The following DACH2 variants were observed in gnomAD, a reference collection of about 807,000 sequenced individuals.
The protein encoded by DACH2 is dachshund homolog 2.
Under a neutral mutation model 35.8 loss-of-function variants are expected in DACH2, and 17 were observed. That is an observed-to-expected ratio of 0.48 (90% CI 0.33 to 0.71). The LOEUF is 0.71. Ranked by LOEUF, DACH2 falls within the 30% of genes least tolerant of loss-of-function variation. The pLI is 0.02. For missense variants in DACH2, 469 were observed against 472.7 expected (o/e 0.99, Z 0.07); for synonymous variants, 195 against 177.3 (o/e 1.10, Z -0.79).
intron 7 of DACH2, among the ~76,000 whole-genome samples, chrX:86,808,239 T>G (rs1289166916): frequency 8.9e-6 from 1 of 112,080 alleles, no homozygotes; most frequent in Non-Finnish European, 1.9e-5. Context: ...GAATAACATT[T>G]TGTCTGAAAG....
chrX:86,295,676 G>T (rs749837716), intron 1 of DACH2, among the ~76,000 whole-genome samples: 36 of 110,899 alleles, frequency 3.2e-4, no homozygotes, highest in African/African-American at 1.1e-3. Context: ...AGTTTGGTCG[G>T]GTTTTGCTTT....
intron 1 of DACH2, among the ~76,000 whole-genome samples, chrX:86,279,992 G>A (rs2033993215): frequency 9.0e-6 from 1 of 110,508 alleles, no homozygotes; most frequent in Non-Finnish European, 1.9e-5. Context: ...GTACCTGAAA[G>A]TGATGGGGAA....
chrX:86,331,992 T>C (rs1441982124), intron 1 of DACH2, among the ~76,000 whole-genome samples: 1 of 111,945 alleles, frequency 8.9e-6, no homozygotes, highest in African/African-American at 3.2e-5. Context: ...ACATGGAGTT[T>C]TCTGAGTTTT....
chrX:86,212,640 C>T (rs1429070519), intron 1 of DACH2, among the ~76,000 whole-genome samples: 2 of 110,812 alleles, frequency 1.8e-5, no homozygotes, highest in Admixed American at 9.6e-5. Context: ...GGGGAGACAT[C>T]GTTTTTCCTT....
chrX:86,451,038 G>A (rs1013263024), intron 2 of DACH2, among the ~76,000 whole-genome samples: 1 of 111,623 alleles, frequency 9.0e-6, no homozygotes, highest in Admixed American at 9.6e-5. Flanking sequence ...ACTCATGATA[G>A]TTTCTCTTGC....
At chrX:86,579,004 T>G (rs2039469533) in intron 3 of DACH2, among the ~76,000 whole-genome samples, 1 of 112,085 alleles carries the variant, frequency 8.9e-6, no homozygotes. Flanking sequence ...TAATTGCTAA[T>G]GATGCTGATT....
chrX:86,566,855 T>G (rs1476716542), intron 3 of DACH2, among the ~76,000 whole-genome samples: 1 of 111,722 alleles, frequency 9.0e-6, no homozygotes, highest in Non-Finnish European at 1.9e-5. Context: ...TATCCTTATT[T>G]TGCAGATGAA....
chrX:86,555,904 C>T (rs1180088946), intron 3 of DACH2, among the ~76,000 whole-genome samples: 3 of 111,099 alleles, frequency 2.7e-5, no homozygotes, highest in South Asian at 3.8e-4. Context: ...TTTTTAAGCC[C>T]ATCATGGTTA....
At chrX:86,450,902 C>T (rs1315849086) in intron 2 of DACH2, among the ~76,000 whole-genome samples, 1 of 111,151 alleles carries the variant, frequency 9.0e-6, no homozygotes, top group Non-Finnish European at 1.9e-5. Context: ...CCTTTGCCAA[C>T]TTTTTCATGG....
At chrX:86,347,082 T>A (rs1204568637) in intron 1 of DACH2, among the ~76,000 whole-genome samples, 1 of 111,860 alleles carries the variant, frequency 8.9e-6, no homozygotes, top group Non-Finnish European at 1.9e-5. Flanking sequence ...GTGATTCTTC[T>A]GGTAGAAGTA....
At chrX:86,781,433 A>G (rs754786964) in intron 7 of DACH2, among the ~76,000 whole-genome samples, 19 of 111,903 alleles carry the variant, frequency 1.7e-4, no homozygotes, top group African/African-American at 6.2e-4. Context: ...TCTCACAAGT[A>G]GTGAATCAGG....
At chrX:86,652,697 A>C (rs2040491250) in intron 4 of DACH2, among the ~76,000 whole-genome samples, 1 of 111,986 alleles carries the variant, frequency 8.9e-6, no homozygotes. Flanking sequence ...CTAATAATCA[A>C]TGGTGTTGAG....
chrX:86,331,734 A>G (rs1360268138), intron 1 of DACH2, among the ~76,000 whole-genome samples: 1 of 111,440 alleles, frequency 9.0e-6, no homozygotes, highest in Non-Finnish European at 1.9e-5. Flanking sequence ...TATTAAAAAT[A>G]CACTATACAA....
intron 2 of DACH2, among the ~76,000 whole-genome samples, chrX:86,490,351 T>A (rs2038077437): frequency 9.0e-6 from 1 of 111,441 alleles, no homozygotes; most frequent in African/African-American, 3.3e-5. Context: ...TTGCAGAATG[T>A]CATAGAGAAG....
In DACH2 at chrX:86,333,758, T is replaced by C. The variant is rs762938652; in HGVS notation, c.489-43066T>C. 2.7e-5 allele frequency among the ~76,000 whole-genome samples: 3 copies of C among 111,810 alleles called. No homozygotes were observed. The South Asian group carries it at 1.1e-3, about 42-fold the overall frequency. On this transcript the variant is annotated intron_variant, in intron 1 of 11. Transcript: ENST00000373125. The stretch of plus-strand genomic sequence containing the variant: ...AATTAAACTTGAATGATTATACTTA[T>C]TAATTTTTTTTAATATACTTTAAGT...
At chrX:86,349,416 C>A (rs1032634970) in intron 1 of DACH2, among the ~76,000 whole-genome samples, 1 of 111,727 alleles carries the variant, frequency 9.0e-6, no homozygotes, top group Non-Finnish European at 1.9e-5. Flanking sequence ...TTTATAGGCA[C>A]AGGATGGGGG....
intron 2 of DACH2, among the ~76,000 whole-genome samples, chrX:86,475,777 G>A (rs186178605): frequency 8.9e-6 from 1 of 111,778 alleles, no homozygotes; most frequent in Non-Finnish European, 1.9e-5. Flanking sequence ...TTAGAGGAAC[G>A]GCTTTTACTC....
intron 1 of DACH2, among the ~76,000 whole-genome samples, chrX:86,301,557 C>A (rs2034575789): frequency 8.9e-6 from 1 of 111,808 alleles, no homozygotes; most frequent in South Asian, 3.7e-4. Context: ...ATTGTGGTAA[C>A]TGACAGCTCA....
At chrX:86,445,575 A>AAAAAAAG (rs2037255649) in intron 2 of DACH2, among the ~76,000 whole-genome samples, 1 of 102,298 alleles carries the variant, frequency 9.8e-6, no homozygotes, top group African/African-American at 3.6e-5. Flanking sequence ...ACAAAAAAAA[A>AAAAAAAG]AAAAAAGAAA....
Sources: gnomAD v4.1 joint callset for allele counts (sites outside exome capture counted in the v4.1 genomes callset) on GRCh38, gnomAD v4.1.1 for gene constraint, MANE v1.5 for transcripts, NCBI Gene and HGNC (gene_info 2026-07-23, HGNC 2026-07-21) for gene names.